Variants in SMIM45 observed in about 807,000 individuals in gnomAD.
SMIM45 encodes the protein small integral membrane protein 45, also known as long intergenic non-protein coding RNA 634.
chr22:41,955,053 G>GCACA, the SMIM45 span, among the ~76,000 whole-genome samples: 4 of 152,050 alleles, frequency 2.6e-5, no homozygotes, highest in Non-Finnish European at 4.4e-5. Context: ...GGTTTGTGAC[G>GCACA]CACCTTACAC....
At chr22:41,958,392 G>A in the SMIM45 span, 2 of 456,476 alleles carry the variant, frequency 4.4e-6, no homozygotes, top group South Asian at 1.5e-5. Flanking sequence ...CAGACCAGCC[G>A]CACCCCGCGG....
At chr22:41,951,092 G>A in the SMIM45 span, among the ~76,000 whole-genome samples, 1 of 152,272 alleles carries the variant, frequency 6.6e-6, no homozygotes, top group African/African-American at 2.4e-5. Context: ...GCGCAGAGGT[G>A]TCTGTGGTGG....
At chr22:41,953,897 C>T in the SMIM45 span, among the ~76,000 whole-genome samples, 1 of 151,390 alleles carries the variant, frequency 6.6e-6, no homozygotes, top group Admixed American at 6.6e-5. Flanking sequence ...ACTACAGGCA[C>T]CTGCCACCAC....
the SMIM45 span, among the ~76,000 whole-genome samples, chr22:41,948,647 C>T: frequency 6.6e-6 from 1 of 152,096 alleles, no homozygotes; most frequent in African/African-American, 2.4e-5. Context: ...AGCTGAACGC[C>T]GTGGCTCATG....
At chr22:41,958,138 T>C in the SMIM45 span, 2 of 351,556 alleles carry the variant, frequency 5.7e-6, no homozygotes, top group East Asian at 1.5e-4. Context: ...GAGCCCACCC[T>C]CCCAAGCTCA....
the SMIM45 span, among the ~76,000 whole-genome samples, chr22:41,953,295 C>T: frequency 2.6e-4 from 39 of 152,190 alleles, no homozygotes; most frequent in Non-Finnish European, 5.3e-4. Context: ...AGTTTGGAGA[C>T]GGAGGTCAGA....
the SMIM45 span, among the ~76,000 whole-genome samples, chr22:41,948,891 T>C: frequency 6.6e-6 from 1 of 152,112 alleles, no homozygotes; most frequent in Admixed American, 6.6e-5. Context: ...GGAGAAACCC[T>C]GTCTGTACTA....
At chr22:41,953,060 T>A in the SMIM45 span, among the ~76,000 whole-genome samples, 1 of 152,196 alleles carries the variant, frequency 6.6e-6, no homozygotes, top group Non-Finnish European at 1.5e-5. Context: ...TCCCCTGCCC[T>A]GGCTGCACTA....
chr22:41,947,669 C>CA, the SMIM45 span, among the ~76,000 whole-genome samples: 1 of 125,244 alleles, frequency 8.0e-6, no homozygotes, highest in South Asian at 2.5e-4. Flanking sequence ...GTGCCTGGCC[C>CA]TTTTTTTTTT....
At chr22:41,956,199 C>T in the SMIM45 span, among the ~76,000 whole-genome samples, 131 of 152,136 alleles carry the variant, frequency 8.6e-4, 1 homozygote, top group African/African-American at 3.0e-3. Context: ...TTAGTAGAGA[C>T]GGGGTTTTGC....
At chr22:41,947,104 T>A in the SMIM45 span, 1 of 1,610,744 alleles carries the variant, frequency 6.2e-7, no homozygotes, top group Non-Finnish European at 8.5e-7. Context: ...CCGTTGCTCC[T>A]GCGGTGCGCG....
chr22:41,953,130 T>G, the SMIM45 span, among the ~76,000 whole-genome samples: 116,512 of 152,110 alleles, frequency 0.77, 45,011 homozygotes, highest in East Asian at 1. Context: ...GGCACTTTAA[T>G]ACAATGTCGG....
chr22:41,957,462 A>T, the SMIM45 span, among the ~76,000 whole-genome samples: 1 of 151,692 alleles, frequency 6.6e-6, no homozygotes, highest in Non-Finnish European at 1.5e-5. Context: ...TCGGCCTCCA[A>T]AGTGCTGGGA....
the SMIM45 span, among the ~76,000 whole-genome samples, chr22:41,956,495 T>A: frequency 1.3e-5 from 2 of 152,322 alleles, no homozygotes; most frequent in South Asian, 4.1e-4. Flanking sequence ...GGCTAGGGCG[T>A]GCAGGTGGCT....
At chr22:41,957,032 C>T in the SMIM45 span, among the ~76,000 whole-genome samples, 8 of 152,124 alleles carry the variant, frequency 5.3e-5, no homozygotes, top group Non-Finnish European at 5.9e-5. Flanking sequence ...CTGCCCACCT[C>T]GGCCTCCCAA....
At chr22:41,951,205 T>C in the SMIM45 span, among the ~76,000 whole-genome samples, 2 of 152,256 alleles carry the variant, frequency 1.3e-5, no homozygotes, top group Non-Finnish European at 2.9e-5. Flanking sequence ...GGAAGCCTTT[T>C]CCCAGCCACG....
chr22:41,950,122 T>C, the SMIM45 span, among the ~76,000 whole-genome samples: 1 of 151,386 alleles, frequency 6.6e-6, no homozygotes, highest in African/African-American at 2.4e-5. Flanking sequence ...ATCTCTGTTA[T>C]GTATTGAGCT....
the SMIM45 span, among the ~76,000 whole-genome samples, chr22:41,952,718 G>A: frequency 1.3e-5 from 2 of 152,208 alleles, no homozygotes; most frequent in African/African-American, 4.8e-5. Context: ...TCCTCAGTCA[G>A]CCTCAGAATG....
At chr22:41,956,820 G>T in the SMIM45 span, among the ~76,000 whole-genome samples, 66 of 152,338 alleles carry the variant, frequency 4.3e-4, 1 homozygote, top group Middle Eastern at 3.4e-3. Context: ...TGGTTAAGTC[G>T]CTCTGTTGCC....
Sources: gnomAD v4.1 joint callset for allele counts (sites outside exome capture counted in the v4.1 genomes callset) on GRCh38, gnomAD v4.1.1 for gene constraint, MANE v1.5 for transcripts, NCBI Gene and HGNC (gene_info 2026-07-23, HGNC 2026-07-21) for gene names.